Variants in CPED1 observed in about 807,000 individuals in gnomAD.
The protein encoded by CPED1 is cadherin like and PC-esterase domain containing 1.
Under a neutral mutation model 128.2 loss-of-function variants are expected in CPED1, and 114 were observed. The ratio of observed to expected loss-of-function variants is 0.89; its 90% CI spans 0.76 to 1.04. CPED1 has a LOEUF of 1.04. Ranked by LOEUF, CPED1 falls within the 50% of genes least tolerant of loss-of-function variation. CPED1 has a pLI of 0.00. For synonymous variants in CPED1, 462 were observed against 426.7 expected, an observed-to-expected ratio of 1.08 and a Z score of -1.02; for missense variants, 1,211 against 1,207.1, an observed-to-expected ratio of 1.00 and a Z score of -0.05.
intron 16 of CPED1, among the ~76,000 whole-genome samples, chr7:121,201,870 A>G (rs909995935): frequency 6.6e-6 from 1 of 152,086 alleles, no homozygotes; most frequent in African/African-American, 2.4e-5. Flanking sequence ...GAAGAGAAAG[A>G]TTTCCTCCAT....
intron 16 of CPED1, among the ~76,000 whole-genome samples, chr7:121,171,525 G>T (rs1796648907): frequency 6.6e-6 from 1 of 152,094 alleles, no homozygotes; most frequent in Non-Finnish European, 1.5e-5. Flanking sequence ...AATATACAGT[G>T]CTGTTATATC....
At chr7:121,294,686 G>A (rs553148479) in intron 22 of CPED1, among the ~76,000 whole-genome samples, 2 of 151,704 alleles carry the variant, frequency 1.3e-5, no homozygotes, top group Non-Finnish European at 2.9e-5. Flanking sequence ...TCATAAGTGT[G>A]CTCTTACACA....
chr7:121,002,463 G>A (rs759831841), intron 2 of CPED1, among the ~76,000 whole-genome samples: 1 of 152,100 alleles, frequency 6.6e-6, no homozygotes, highest in Non-Finnish European at 1.5e-5. Flanking sequence ...TTATCTTTAA[G>A]AACTATCTTT....
intron 22 of CPED1, among the ~76,000 whole-genome samples, chr7:121,287,149 G>A (rs746615026): frequency 5.3e-5 from 8 of 152,142 alleles, no homozygotes; most frequent in Non-Finnish European, 1.0e-4. Context: ...GATGGGATTT[G>A]AGTGGGGACA....
At chr7:121,175,153 ATGT>A (rs1424038627) in intron 16 of CPED1, among the ~76,000 whole-genome samples, 5 of 152,110 alleles carry the variant, frequency 3.3e-5, no homozygotes, top group African/African-American at 9.7e-5. Flanking sequence ...ATATAGAATC[ATGT>A]TGTCAGCAAA....
intron 16 of CPED1, among the ~76,000 whole-genome samples, chr7:121,211,050 CTG>C (rs1038761178): frequency 3.3e-5 from 5 of 151,982 alleles, no homozygotes; most frequent in South Asian, 4.1e-4. Context: ...TCCAAAAAAA[CTG>C]TATTTCATGG....
At chr7:120,995,724 G>A (rs1291512859) in intron 2 of CPED1, among the ~76,000 whole-genome samples, 1 of 152,064 alleles carries the variant, frequency 6.6e-6, no homozygotes, top group Non-Finnish European at 1.5e-5. Flanking sequence ...TTACACCTTT[G>A]ATATTTCTTG....
At chr7:121,189,428 G>A (rs1258843377) in intron 16 of CPED1, among the ~76,000 whole-genome samples, 2 of 151,950 alleles carry the variant, frequency 1.3e-5, no homozygotes, top group Non-Finnish European at 1.5e-5. Context: ...GAGAAAGAGT[G>A]AAGGAGGAAG....
Position 120,995,282 on chromosome 7 carries a change from A to G in CPED1, c.249+5412A>G, listed in dbSNP as rs191917389. Reference sequence around the variant, plus strand: ...ACCAAATCTAATGAGATCTATTTTCAGTCTACATCCTTCTTCTCTGAGGCA... The same window carrying G: ...ACCAAATCTAATGAGATCTATTTTCGGTCTACATCCTTCTTCTCTGAGGCA... On this transcript the variant is annotated intron_variant, in intron 2 of 22. Coordinates refer to ENST00000310396, the MANE Select transcript of CPED1 (RefSeq NM_024913.5). 2.0e-5 allele frequency among the ~76,000 whole-genome samples: 3 copies of G among 152,254 alleles called. No individual in the cohort carries two copies. In the East Asian group the frequency reaches 5.8e-4, roughly 29 times the overall value.
intron 16 of CPED1, among the ~76,000 whole-genome samples, chr7:121,190,493 A>G (rs1443602485): frequency 6.6e-6 from 1 of 152,012 alleles, no homozygotes; most frequent in East Asian, 1.9e-4. Flanking sequence ...AGTTTTTAAA[A>G]AGATATGTCT....
intron 18 of CPED1, among the ~76,000 whole-genome samples, chr7:121,252,704 C>T (rs1030697868): frequency 1.3e-5 from 2 of 152,074 alleles, no homozygotes; most frequent in African/African-American, 4.8e-5. Flanking sequence ...CCAAAAAACA[C>T]ACGAAAAAAT....
chr7:121,160,770 A>G (rs1796394597), intron 16 of CPED1, among the ~76,000 whole-genome samples: 1 of 152,258 alleles, frequency 6.6e-6, no homozygotes, highest in South Asian at 2.1e-4. Flanking sequence ...AGAAGGTAGA[A>G]GAAATGGGGT....
At chr7:121,134,961 A>G (rs1226186598) in intron 13 of CPED1, among the ~76,000 whole-genome samples, 1 of 152,040 alleles carries the variant, frequency 6.6e-6, no homozygotes, top group East Asian at 1.9e-4. Context: ...AATAGAGTTC[A>G]TTACTATTGC....
At chr7:121,135,634 G>A (rs1469537682) in intron 13 of CPED1, among the ~76,000 whole-genome samples, 2 of 151,976 alleles carry the variant, frequency 1.3e-5, no homozygotes, top group East Asian at 1.9e-4. Context: ...TCATAAATAT[G>A]TATTAAGGAG....
chr7:121,256,442 T>C (rs1473677453), intron 18 of CPED1, among the ~76,000 whole-genome samples: 1 of 152,034 alleles, frequency 6.6e-6, no homozygotes, highest in East Asian at 1.9e-4. Flanking sequence ...CAAGATGTAT[T>C]AAAGATTTAA....
intron 16 of CPED1, among the ~76,000 whole-genome samples, chr7:121,143,031 C>A (rs1307256598): frequency 6.6e-6 from 1 of 152,038 alleles, no homozygotes; most frequent in East Asian, 1.9e-4. Flanking sequence ...AATCACCCCG[C>A]CACTGTCTTA....
chr7:121,131,438 T>C (rs931240105), intron 12 of CPED1, among the ~76,000 whole-genome samples: 2 of 152,000 alleles, frequency 1.3e-5, no homozygotes, highest in Non-Finnish European at 2.9e-5. Flanking sequence ...GACTGTCTCA[T>C]TTATTATAGA....
rs6966414 is a variant in CPED1, at chr7:121,182,972, C to T, written c.2055+40831C>T. On this transcript the variant is annotated intron_variant, in intron 16 of 22. Transcript: ENST00000310396. ...CAAAAACTTATTCCTATTTATTATC[C>T]TGAGTTCCTATCTTTGTCTTTTCAA... Among the ~76,000 whole-genome samples, 1,223 of 151,518 alleles carry T rather than the reference C, an allele frequency of 8.1e-3. 16 individuals are homozygous for T. Among genetic ancestry groups the T allele is most frequent in the African/African-American group, 0.028 (1,151 of 41,280 alleles).
At chr7:121,153,156 G>T (rs1796197351) in intron 16 of CPED1, among the ~76,000 whole-genome samples, 3 of 152,110 alleles carry the variant, frequency 2.0e-5, no homozygotes, top group African/African-American at 4.8e-5. Flanking sequence ...AAAGGATAAA[G>T]ATATTACCTA....
Sources: gnomAD v4.1 joint callset for allele counts (sites outside exome capture counted in the v4.1 genomes callset) on GRCh38, gnomAD v4.1.1 for gene constraint, MANE v1.5 for transcripts, NCBI Gene and HGNC (gene_info 2026-07-23, HGNC 2026-07-21) for gene names.